Variants in SAXO1 observed in about 807,000 individuals in gnomAD.
SAXO1 encodes the protein stabilizer of axonemal microtubules 1, also known as 4930500O09Rik.
In SAXO1, 21 loss-of-function variants were observed where a neutral mutation model predicts 17.5. The ratio of observed to expected loss-of-function variants is 1.20; its 90% CI spans 0.85 to 1.72. The LOEUF is 1.72. SAXO1 is among the 40% of genes most tolerant of loss of function. The pLI is 0.00. For synonymous variants in SAXO1, 274 were observed against 216.5 expected, an observed-to-expected ratio of 1.27 and a Z score of -2.33; for missense variants, 843 against 596.0, an observed-to-expected ratio of 1.41 and a Z score of -4.32.
intron 1 of SAXO1, among the ~76,000 whole-genome samples, chr9:19,010,150 AAC>A (rs1554679989): frequency 2.2e-4 from 6 of 27,826 alleles, no homozygotes; most frequent in African/African-American, 3.1e-4. Context: ...TCTAAAAAAA[AAC>A]AACAACAACA....
intron 2 of SAXO1, among the ~76,000 whole-genome samples, chr9:18,944,916 A>G (rs1369818801): frequency 6.6e-6 from 1 of 152,208 alleles, no homozygotes; most frequent in Non-Finnish European, 1.5e-5. Flanking sequence ...CCAAGTAATC[A>G]ATTATATTAA....
chr9:18,995,274 C>T (rs1024306561), intron 1 of SAXO1, among the ~76,000 whole-genome samples: 2 of 152,154 alleles, frequency 1.3e-5, no homozygotes, highest in East Asian at 1.9e-4. Context: ...TCCTTTCTAG[C>T]GATCAGTATC....
chr9:19,021,852 GCACTCTGTAAAATGGACCAATCAA>G (rs1835247020), intron 1 of SAXO1, among the ~76,000 whole-genome samples: 1 of 151,530 alleles, frequency 6.6e-6, no homozygotes, highest in African/African-American at 2.4e-5. Context: ...GGACCAATCA[GCACTCTGTAAAATGGACCAATCAA>G]CACTCTGTAA....
At chr9:18,991,874 ATTTTGAGACCT>A (rs1420838478) in intron 1 of SAXO1, among the ~76,000 whole-genome samples, 1 of 152,140 alleles carries the variant, frequency 6.6e-6, no homozygotes, top group Non-Finnish European at 1.5e-5. Flanking sequence ...TTACACTAAG[ATTTTGAGACCT>A]TTGGCTACCA....
At chr9:18,973,591 T>C (rs7871456) in intron 1 of SAXO1, among the ~76,000 whole-genome samples, 89,332 of 152,180 alleles carry the variant, frequency 0.59, 30,530 homozygotes, top group Non-Finnish European at 0.77. Flanking sequence ...TGCCTGGTGC[T>C]GCACTGGATA....
intron 1 of SAXO1, among the ~76,000 whole-genome samples, chr9:18,993,318 T>C (rs1265264799): frequency 3.3e-5 from 5 of 150,508 alleles, no homozygotes; most frequent in Admixed American, 2.0e-4. Flanking sequence ...ACCCTCCCTG[T>C]GTCCATGTGT....
At chr9:18,965,652 G>C (rs1298390235) in intron 1 of SAXO1, among the ~76,000 whole-genome samples, 1 of 151,898 alleles carries the variant, frequency 6.6e-6, no homozygotes, top group Non-Finnish European at 1.5e-5. Flanking sequence ...TTGCATGTGA[G>C]ATGGGTCTCC....
chr9:19,025,586 A>G (rs533498347), intron 1 of SAXO1, among the ~76,000 whole-genome samples: 6 of 152,260 alleles, frequency 3.9e-5, no homozygotes, highest in African/African-American at 1.4e-4. Flanking sequence ...CTTTTCAGCA[A>G]TTTTTGAGTC....
intron 1 of SAXO1, among the ~76,000 whole-genome samples, chr9:19,016,931 C>T (rs1265711818): frequency 6.6e-6 from 1 of 151,796 alleles, no homozygotes; most frequent in Non-Finnish European, 1.5e-5. Flanking sequence ...TGAGACGCCC[C>T]TGACAACCAC....
chr9:19,035,574 T>C (rs954133932), upstream of SAXO1, among the ~76,000 whole-genome samples: 15 of 152,004 alleles, frequency 9.9e-5, no homozygotes, highest in Admixed American at 6.6e-4. Context: ...TAGGCAGAGG[T>C]TGGAACAGTT....
At chr9:19,004,967 C>T (rs1025603227) in intron 1 of SAXO1, among the ~76,000 whole-genome samples, 2 of 152,094 alleles carry the variant, frequency 1.3e-5, no homozygotes, top group Non-Finnish European at 2.9e-5. Context: ...AAAACCAACA[C>T]ACTAAAATCA....
At chr9:19,048,461 G>GA (rs760337870) in intron 1 of SAXO1, among the ~76,000 whole-genome samples, 14 of 127,162 alleles carry the variant, frequency 1.1e-4, no homozygotes, top group South Asian at 2.5e-4. Flanking sequence ...CGTCTCAAAA[G>GA]AAAAAAAAAG....
At position 18,986,932 on chromosome 9, in the gene SAXO1, G is replaced by A. The variant is rs374555145; in HGVS notation, c.39-35995C>T. 2.1e-4 allele frequency among the ~76,000 whole-genome samples: 32 copies of A among 152,276 alleles called. No homozygotes were observed. In the East Asian group the frequency reaches 4.2e-3, roughly 20 times the overall value. Reference sequence around the variant, plus strand: ...AAAATGTATTGAGGAAGGGGTGCCCGTTTCTAATTTGCATAAAGACTTCAT... The same window carrying A: ...AAAATGTATTGAGGAAGGGGTGCCCATTTCTAATTTGCATAAAGACTTCAT... On this transcript the variant is annotated intron_variant, in intron 1 of 3. Coordinates refer to ENST00000380534, the MANE Select transcript of SAXO1 (RefSeq NM_153707.4).
chr9:19,024,738 T>C (rs1018052011), intron 1 of SAXO1, among the ~76,000 whole-genome samples: 1 of 151,388 alleles, frequency 6.6e-6, no homozygotes, highest in Non-Finnish European at 1.5e-5. Flanking sequence ...CCTCACATCC[T>C]ACATCACTTG....
chr9:19,027,867 A>T (rs1477835652), intron 1 of SAXO1: 1 of 1,380,688 alleles, frequency 7.2e-7, no homozygotes, highest in Non-Finnish European at 1.0e-6. Flanking sequence ...CTGCTACGCT[A>T]GGGCGGCCTG....
intron 1 of SAXO1, among the ~76,000 whole-genome samples, chr9:18,974,332 T>A (rs1833054437): frequency 6.6e-6 from 1 of 152,242 alleles, no homozygotes; most frequent in Non-Finnish European, 1.5e-5. Context: ...CGGAAACAGT[T>A]ATTTTCCATG....
chr9:19,044,841 T>C (rs1836169755), intron 1 of SAXO1, among the ~76,000 whole-genome samples: 1 of 150,496 alleles, frequency 6.6e-6, no homozygotes, highest in African/African-American at 2.4e-5. Context: ...CCAGCCCGGG[T>C]GAGAGTGCGA....
At chr9:19,016,351 G>A (rs142487984) in intron 1 of SAXO1, among the ~76,000 whole-genome samples, 6 of 152,178 alleles carry the variant, frequency 3.9e-5, no homozygotes, top group Non-Finnish European at 7.3e-5. Context: ...CAGAAGAATC[G>A]CTTGAACCCA....
intron 1 of SAXO1, among the ~76,000 whole-genome samples, chr9:18,965,600 T>G (rs1832685661): frequency 6.6e-6 from 1 of 152,112 alleles, no homozygotes; most frequent in South Asian, 2.1e-4. Context: ...ATTTGCTTGG[T>G]ATATCTTCCT....
Sources: allele counts gnomAD v4.1 joint callset (sites outside exome capture counted in the v4.1 genomes callset), GRCh38; gene constraint gnomAD v4.1.1; transcripts MANE v1.5; gene names NCBI Gene and HGNC (gene_info 2026-07-23, HGNC 2026-07-21).